The following KAZN variants were observed in gnomAD, a reference collection of about 807,000 sequenced individuals.
The protein encoded by KAZN is kazrin, periplakin interacting protein.
Under a neutral mutation model 87.4 loss-of-function variants are expected in KAZN, and 40 were observed. That is an observed-to-expected ratio of 0.46 (90% confidence interval 0.36 to 0.60). The LOEUF is 0.60. Among genes scored for constraint, KAZN ranks in the 20% least tolerant of loss-of-function variants. KAZN has a pLI of 0.00. For missense variants in KAZN, 898 were observed against 1,073.9 expected (o/e 0.84, Z 2.29); for synonymous variants, 466 against 458.3 (o/e 1.02, Z -0.22).
At chr1:14,438,475 A>C (rs1666525518) in intron 2 of KAZN, among the ~76,000 whole-genome samples, 1 of 152,236 alleles carries the variant, frequency 6.6e-6, no homozygotes, top group Non-Finnish European at 1.5e-5. Flanking sequence ...ATGTGGAGGC[A>C]AGAGAGTAAG....
At position 14,111,252 on chromosome 1, in the gene KAZN, C is replaced by A. The variant is rs749778782; in HGVS notation, c.92-69183C>A. Among the ~76,000 whole-genome samples the A allele has an allele frequency of 9.7e-5, 13 of 134,356 alleles. 2 individuals carry two copies. Among genetic ancestry groups the A allele is most frequent in the Non-Finnish European group, 1.4e-4 (9 of 62,836 alleles). The allele number at this position is 134,356 out of a possible 152,430, so 88.1% of individuals were successfully genotyped here. A position where few individuals can be genotyped will look rare whatever the true frequency, so the allele number is the denominator to read the frequency against. ...CCACAGCACACACGCGGGCTGCAGT[C>A]CAGGATATGCCGATCCACTAAGCTT... On this transcript the variant is annotated intron_variant, in intron 1 of 16. Coordinates refer to the KAZN transcript ENST00000636203.
intron 1 of KAZN, among the ~76,000 whole-genome samples, chr1:14,642,331 C>T (rs553930920): frequency 2.0e-4 from 31 of 152,232 alleles, no homozygotes; most frequent in African/African-American, 6.3e-4. Context: ...ACCCGGGAGG[C>T]GGAGGTTGCA....
At chr1:14,814,651 C>T (rs1014778795) in intron 1 of KAZN, among the ~76,000 whole-genome samples, 15 of 152,172 alleles carry the variant, frequency 9.9e-5, no homozygotes, top group African/African-American at 3.4e-4. Context: ...GGCCCTGTTC[C>T]AGAGCAGGCA....
chr1:14,434,826 C>T (rs955163567), intron 2 of KAZN, among the ~76,000 whole-genome samples: 3 of 152,060 alleles, frequency 2.0e-5, no homozygotes, highest in South Asian at 2.1e-4. Flanking sequence ...ATCAGCCACT[C>T]GCTCTCGGTG....
In KAZN at chr1:15,066,883, C is replaced by T; in HGVS notation, c.1222+1130C>T. ...TCCTCCACCTTCTTCCCACCCAGAG[C>T]TCCCTCCAGGCCTTTCTCTATATAT... On this transcript the variant is annotated intron_variant, in intron 8 of 14. Transcript: ENST00000376030. This position sits in a 1 kb window ranked among gnomAD's most constrained non-coding sequence, Gnocchi z 4.3. 1 of 985,498 alleles carries T rather than the reference C, an allele frequency of 1.0e-6. No individual in the cohort carries two copies. 61.0% of individuals were successfully genotyped at this position (985,498 alleles called of 1,614,324 possible). A position where few individuals can be genotyped will look rare whatever the true frequency, so the allele number is the denominator to read the frequency against.
chr1:14,747,328 G>A (rs530513951), intron 1 of KAZN, among the ~76,000 whole-genome samples: 4 of 152,126 alleles, frequency 2.6e-5, no homozygotes, highest in East Asian at 1.9e-4. Context: ...CCAGGCTGGA[G>A]TGCAGTGACA....
intron 5 of KAZN, among the ~76,000 whole-genome samples, chr1:15,057,031 G>T (rs1232011293): frequency 6.6e-6 from 1 of 152,250 alleles, no homozygotes; most frequent in African/African-American, 2.4e-5. Context: ...AAGGCTGCAG[G>T]CTGGGCTGGC....
rs1557770470 is a variant in KAZN at position 14,514,598 on chromosome 1, TATATATATATATATATATA to T, written c.250-84384_250-84366del. ...ATTTTATATATTTTTTTATATTTTATATATATATATATATATATATATATATATATATATATATATATCT... is the reference window on the plus strand; with the variant it reads ...ATTTTATATATTTTTTTATATTTTATTATATATATATATATATATATATCT... On this transcript the variant is annotated intron_variant, in intron 2 of 16. Coordinates refer to the KAZN transcript ENST00000636203. Among the ~76,000 whole-genome samples the T allele has an allele frequency of 1.4e-3, 44 of 30,878 alleles. 1 individual carries two copies. Among genetic ancestry groups the T allele is most frequent in the African/African-American group, 8.3e-3 (42 of 5,058 alleles). 20.3% of individuals were successfully genotyped at this position (30,878 alleles called of 152,430 possible). A position where few individuals can be genotyped will look rare whatever the true frequency, so the allele number is the denominator to read the frequency against.
chr1:14,924,472 AC>A, intron 1 of KAZN: 1 of 990,920 alleles, frequency 1.0e-6, no homozygotes, highest in Non-Finnish European at 1.2e-6. Context: ...GGCCCCCGGG[AC>A]CCGCAGCCTG....
At chr1:14,696,445 G>A (rs1641607338) in intron 1 of KAZN, among the ~76,000 whole-genome samples, 1 of 152,174 alleles carries the variant, frequency 6.6e-6, no homozygotes, top group Non-Finnish European at 1.5e-5. Context: ...AGTGTAAAGG[G>A]TTAAACAGGG....
intron 2 of KAZN, among the ~76,000 whole-genome samples, chr1:15,009,529 G>A (rs556675915): frequency 7.9e-5 from 12 of 152,284 alleles, no homozygotes; most frequent in African/African-American, 2.9e-4. Context: ...CAGTCCTCTT[G>A]CTAAGCCCAC....
chr1:13,951,775 C>G (rs184579231), intron 1 of KAZN, among the ~76,000 whole-genome samples: 128 of 152,202 alleles, frequency 8.4e-4, no homozygotes, highest in Middle Eastern at 3.4e-3. Flanking sequence ...TAAGTCCAGG[C>G]AAGCCATACA....
intron 2 of KAZN, among the ~76,000 whole-genome samples, chr1:14,536,605 C>T (rs1199984898): frequency 1.3e-5 from 2 of 152,020 alleles, no homozygotes; most frequent in African/African-American, 4.8e-5. Context: ...AAGTCGGCTG[C>T]GTGTGGTGGC....
At chr1:14,245,819 T>A (rs1387910153) in intron 2 of KAZN, among the ~76,000 whole-genome samples, 1 of 152,176 alleles carries the variant, frequency 6.6e-6, no homozygotes, top group East Asian at 1.9e-4. Context: ...CCCAGCAATC[T>A]CATTGCTGGG....
chr1:14,775,993 T>C (rs1004809319), intron 1 of KAZN, among the ~76,000 whole-genome samples: 2 of 152,198 alleles, frequency 1.3e-5, no homozygotes, highest in Admixed American at 6.5e-5. Flanking sequence ...GGACTTCCAC[T>C]GTGGGGTTTA....
At chr1:14,218,421 C>G (rs1647014772) in intron 2 of KAZN, among the ~76,000 whole-genome samples, 1 of 152,062 alleles carries the variant, frequency 6.6e-6, no homozygotes, top group African/African-American at 2.4e-5. Flanking sequence ...TAAAAGAAAA[C>G]AGCTATTCTT....
At chr1:14,617,665 G>A (rs952371752) in intron 1 of KAZN, among the ~76,000 whole-genome samples, 9 of 152,192 alleles carry the variant, frequency 5.9e-5, no homozygotes, top group Admixed American at 4.6e-4. Context: ...ATAAATATCA[G>A]CTATGAATGT....
chr1:14,715,558 G>A (rs1642748279), intron 1 of KAZN, among the ~76,000 whole-genome samples: 1 of 152,180 alleles, frequency 6.6e-6, no homozygotes. Context: ...TGCGTGTGTA[G>A]CTTGATGTTC....
At chr1:14,142,246 C>T (rs973758824) in intron 1 of KAZN, among the ~76,000 whole-genome samples, 5 of 151,996 alleles carry the variant, frequency 3.3e-5, no homozygotes, top group East Asian at 3.9e-4. Context: ...TAGCTGTGCC[C>T]GCTTGAAGTC....
Sources: allele counts gnomAD v4.1 joint callset (sites outside exome capture counted in the v4.1 genomes callset), GRCh38; gene constraint gnomAD v4.1.1; non-coding constraint Gnocchi (gnomAD v3.1); transcripts MANE v1.5; gene names NCBI Gene and HGNC (gene_info 2026-07-23, HGNC 2026-07-21).